SENP6: variants seen among roughly 807,000 people sequenced by gnomAD.
SENP6 encodes the protein SUMO specific peptidase 6.
In SENP6, 41 loss-of-function variants were observed where a neutral mutation model predicts 134.5. The ratio of observed to expected loss-of-function variants is 0.30; its 90% CI spans 0.24 to 0.40. The LOEUF is 0.40. Among genes scored for constraint, SENP6 ranks in the 10% least tolerant of loss-of-function variants. The pLI is 1.00. For missense variants in SENP6, 1,248 were observed against 1,312.5 expected, an observed-to-expected ratio of 0.95 and a Z score of 0.76; for synonymous variants, 395 against 429.8, an observed-to-expected ratio of 0.92 and a Z score of 1.00.
At chr6:75,605,969 T>A (rs58570618) in intron 1 of SENP6, among the ~76,000 whole-genome samples, 14,634 of 152,122 alleles carry the variant, frequency 0.096, 726 homozygotes, top group Non-Finnish European at 0.11. Flanking sequence ...TGTTTGGATG[T>A]AGAGCTTACA....
chr6:75,645,991 A>T (rs369878566), intron 6 of SENP6, among the ~76,000 whole-genome samples: 3 of 152,204 alleles, frequency 2.0e-5, no homozygotes, highest in South Asian at 2.1e-4. Flanking sequence ...ACAAGTTCAA[A>T]TTGCAAGAGC....
chr6:75,711,354 C>T lies in SENP6; in HGVS notation c.2847C>T (p.Leu949=), dbSNP rs368870806. 3.0e-5 allele frequency: 49 copies of T among 1,613,086 alleles called. No individual in the cohort carries two copies. The South Asian group carries it at 3.5e-4, about 12-fold the overall frequency. Reference sequence around the variant, plus strand: ...ATGATAGCAGTGACGATGGATTCCTCGCTGATGACAACTGCAGTTCAGAAA... The same window carrying T: ...ATGATAGCAGTGACGATGGATTCCTTGCTGATGACAACTGCAGTTCAGAAA... ...NQDDSSDDGF[L]ADDNCSSEIG... is the part of the protein sequence containing the mutation. The change falls in exon 21 of 24, where the codon CTC becomes CTT. Residue 949 remains leucine, a synonymous_variant. Coordinates refer to ENST00000447266, the MANE Select transcript of SENP6 (RefSeq NM_015571.4).
rs1371690833 is a variant in SENP6, at chr6:75,659,351, T to C, written c.640T>C (p.Tyr214His). Residue 214 changes from tyrosine (Y) to histidine (H), a missense_variant, in exon 8 of 24, where the codon TAT becomes CAT. Transcript: ENST00000447266. ...ACAACAGAAACGACACTGTAGTACC[T>C]ATCAGCCTACTCCTCCTCTATCTCC... The part of the protein sequence containing the change: ...KVQQKRHCST[Y>H]QPTPPLSPAS... The C allele has an allele frequency of 6.2e-7, 1 of 1,611,484 alleles. No individual in the cohort carries two copies. Among genetic ancestry groups the C allele is most frequent in the Non-Finnish European group, 8.5e-7 (1 of 1,177,808 alleles).
chr6:75,602,932 G>C (rs1303747527), intron 1 of SENP6, among the ~76,000 whole-genome samples: 1 of 152,206 alleles, frequency 6.6e-6, no homozygotes, highest in Non-Finnish European at 1.5e-5. Flanking sequence ...TGGTGTTCAT[G>C]AAAAGTTTCA....
At chr6:75,715,104 A>G (rs1196046355) in intron 23 of SENP6, among the ~76,000 whole-genome samples, 1 of 152,134 alleles carries the variant, frequency 6.6e-6, no homozygotes, top group Non-Finnish European at 1.5e-5. Flanking sequence ...TATGTAAATG[A>G]GTTAGTGTGG....
chr6:75,604,324 T>C (rs1766860325), intron 1 of SENP6, among the ~76,000 whole-genome samples: 1 of 152,216 alleles, frequency 6.6e-6, no homozygotes, highest in South Asian at 2.1e-4. Context: ...CGGTAACTTC[T>C]TTAGAGCATA....
chr6:75,660,419 T>C (rs1331341975), intron 8 of SENP6, among the ~76,000 whole-genome samples: 1 of 152,206 alleles, frequency 6.6e-6, no homozygotes, highest in Non-Finnish European at 1.5e-5. Context: ...TATCAGCATG[T>C]ACATATGAAT....
intron 7 of SENP6, among the ~76,000 whole-genome samples, chr6:75,649,697 A>G (rs1344918800): frequency 6.6e-6 from 1 of 151,986 alleles, no homozygotes; most frequent in Admixed American, 6.6e-5. Flanking sequence ...TTGTATTGTT[A>G]ATAGAGACGA....
chr6:75,638,005 C>T (rs964085676), intron 5 of SENP6, among the ~76,000 whole-genome samples: 2 of 152,092 alleles, frequency 1.3e-5, no homozygotes, highest in Admixed American at 6.5e-5. Context: ...AGGCGTGTGC[C>T]ACCATGCCCA....
intron 7 of SENP6, among the ~76,000 whole-genome samples, chr6:75,652,909 TTTTA>T (rs1485841404): frequency 6.6e-6 from 1 of 152,166 alleles, no homozygotes; most frequent in African/African-American, 2.4e-5. Flanking sequence ...TTTGAATTTA[TTTTA>T]TTTATGTCTG....
intron 19 of SENP6, among the ~76,000 whole-genome samples, chr6:75,704,592 G>T (rs1048158351): frequency 1.3e-5 from 2 of 152,204 alleles, no homozygotes; most frequent in African/African-American, 4.8e-5. Context: ...GGAGACAGTG[G>T]CCTTCCTCTA....
chr6:75,710,261 T>C (rs1204129030), intron 20 of SENP6, among the ~76,000 whole-genome samples: 2 of 152,228 alleles, frequency 1.3e-5, no homozygotes, highest in Non-Finnish European at 2.9e-5. Context: ...AAAGTTAATA[T>C]AGATGAATTC....
chr6:75,644,441 G>A (rs1053751520), intron 6 of SENP6, among the ~76,000 whole-genome samples: 1 of 151,602 alleles, frequency 6.6e-6, no homozygotes. Flanking sequence ...ACAAAAATGG[G>A]GTATTAGTAA....
At chr6:75,625,992 T>G (rs1773641288) in intron 3 of SENP6, among the ~76,000 whole-genome samples, 1 of 152,338 alleles carries the variant, frequency 6.6e-6, no homozygotes, top group South Asian at 2.1e-4. Flanking sequence ...TTATTTTGTT[T>G]CCTTGTTTTT....
At chr6:75,633,374 A>G (rs191254934) in intron 3 of SENP6, among the ~76,000 whole-genome samples, 2 of 152,288 alleles carry the variant, frequency 1.3e-5, no homozygotes, top group East Asian at 1.9e-4. Context: ...AAGTAATACA[A>G]TAAACCTCCA....
intron 16 of SENP6, among the ~76,000 whole-genome samples, chr6:75,695,135 CA>C (rs1774567924): frequency 6.6e-6 from 1 of 152,106 alleles, no homozygotes; most frequent in African/African-American, 2.4e-5. Flanking sequence ...CTCAGCCTCC[CA>C]AAGTGCTGAC....
intron 17 of SENP6, among the ~76,000 whole-genome samples, chr6:75,696,181 TTTAGTTCTC>T (rs1466353034): frequency 6.6e-6 from 1 of 152,236 alleles, no homozygotes; most frequent in Admixed American, 6.5e-5. Context: ...GGCAATATCA[TTTAGTTCTC>T]TTATCAGTTT....
chr6:75,678,983 A>T, intron 16 of SENP6, 56 bp downstream of exon 16: 1 of 867,902 alleles, frequency 1.2e-6, no homozygotes, highest in Non-Finnish European at 1.8e-6. Context: ...GTCATATCTT[A>T]TGTCTTTGTT....
intron 19 of SENP6, among the ~76,000 whole-genome samples, chr6:75,707,548 C>T (rs1775487732): frequency 1.3e-5 from 2 of 151,280 alleles, no homozygotes; most frequent in East Asian, 1.9e-4. Flanking sequence ...TCTGTAGAGA[C>T]GGGCTCACTT....
Sources: allele counts gnomAD v4.1 joint callset (sites outside exome capture counted in the v4.1 genomes callset), GRCh38; gene constraint gnomAD v4.1.1; transcripts MANE v1.5; gene names NCBI Gene and HGNC (gene_info 2026-07-23, HGNC 2026-07-21).